Variants in INPP4B observed in about 807,000 individuals in gnomAD.
INPP4B encodes the protein inositol polyphosphate 4-phosphatase type II.
INPP4B carries 55 observed loss-of-function variants against 122.5 expected under a neutral mutation model. That is an observed-to-expected ratio of 0.45 (90% CI 0.36 to 0.56). INPP4B has a LOEUF of 0.56. Among genes scored for constraint, INPP4B ranks in the 20% least tolerant of loss-of-function variants. The probability of loss-of-function intolerance (pLI) is 0.00; values close to 1 mark genes in which losing one functional copy is unlikely to be tolerated. For synonymous variants in INPP4B, 403 were observed against 388.7 expected (o/e 1.04, Z -0.43); for missense variants, 1,000 against 1,097.7 (o/e 0.91, Z 1.26).
chr4:142,616,497 G>A (rs1281246329), intron 2 of INPP4B, among the ~76,000 whole-genome samples: 1 of 152,016 alleles, frequency 6.6e-6, no homozygotes, highest in Non-Finnish European at 1.5e-5. Flanking sequence ...AATTTTTAAG[G>A]TGCTTAGCAT....
intron 2 of INPP4B, among the ~76,000 whole-genome samples, chr4:142,562,153 T>A (rs958665264): frequency 2.0e-5 from 3 of 152,184 alleles, no homozygotes; most frequent in Non-Finnish European, 4.4e-5. Context: ...AGGTTCTCAC[T>A]ACATCATTTT....
chr4:142,766,567 C>T (rs1772176613), intron 1 of INPP4B, among the ~76,000 whole-genome samples: 1 of 152,010 alleles, frequency 6.6e-6, no homozygotes, highest in Admixed American at 6.6e-5. Flanking sequence ...GACAGGGTTT[C>T]ACCATGTTGG....
At chr4:142,519,845 A>G (rs1220306684) in intron 2 of INPP4B, among the ~76,000 whole-genome samples, 1 of 152,102 alleles carries the variant, frequency 6.6e-6, no homozygotes, top group Non-Finnish European at 1.5e-5. Context: ...CTATATTTCC[A>G]AGACTAAAAC....
chr4:142,773,314 T>C (rs1341391268), intron 1 of INPP4B, among the ~76,000 whole-genome samples: 1 of 152,174 alleles, frequency 6.6e-6, no homozygotes, highest in Non-Finnish European at 1.5e-5. Context: ...AATTACCTTA[T>C]TGACATTTAT....
intron 5 of INPP4B, among the ~76,000 whole-genome samples, chr4:142,413,087 G>A (rs752533884): frequency 3.9e-5 from 6 of 152,116 alleles, no homozygotes; most frequent in African/African-American, 7.2e-5. Context: ...ACCATGCATC[G>A]CTGCCAACAT....
chr4:142,630,893 G>A (rs1747792582), intron 2 of INPP4B, among the ~76,000 whole-genome samples: 1 of 151,958 alleles, frequency 6.6e-6, no homozygotes, highest in Non-Finnish European at 1.5e-5. Flanking sequence ...CTCTTTACTG[G>A]GACCGCAGCT....
intron 10 of INPP4B, among the ~76,000 whole-genome samples, chr4:142,260,956 T>C (rs1468814832): frequency 6.6e-6 from 1 of 152,190 alleles, no homozygotes; most frequent in Non-Finnish European, 1.5e-5. Flanking sequence ...GTTTAAGTAA[T>C]TGCAACTTTA....
chr4:142,149,106 A>G (rs1218344340), intron 17 of INPP4B, among the ~76,000 whole-genome samples: 1 of 152,170 alleles, frequency 6.6e-6, no homozygotes, highest in Non-Finnish European at 1.5e-5. Flanking sequence ...AGAAGTTATT[A>G]CTACTTAGTA....
chr4:142,601,578 T>A (rs1264376260), intron 2 of INPP4B, among the ~76,000 whole-genome samples: 1 of 143,262 alleles, frequency 7.0e-6, no homozygotes. Context: ...TAAACTCCTA[T>A]GTCAAAAAAA....
chr4:142,243,493 G>A (rs1860558330), intron 11 of INPP4B, among the ~76,000 whole-genome samples: 1 of 152,196 alleles, frequency 6.6e-6, no homozygotes, highest in Non-Finnish European at 1.5e-5. Context: ...ATCTAGGGAG[G>A]AAGTGAAAAG....
chr4:142,405,178 A>G, intron 6 of INPP4B, 28 bp downstream of exon 6: 1 of 1,207,046 alleles, frequency 8.3e-7, no homozygotes, highest in Non-Finnish European at 1.2e-6. Context: ...AGAGAGAGAG[A>G]GATTAATGTA....
intron 11 of INPP4B, among the ~76,000 whole-genome samples, chr4:142,241,535 G>C (rs1324466411): frequency 2.0e-5 from 3 of 152,102 alleles, no homozygotes; most frequent in Non-Finnish European, 4.4e-5. Context: ...ATTTAACAAG[G>C]TAGCATGTCA....
chr4:142,230,093 T>C (rs1323088684), intron 12 of INPP4B, among the ~76,000 whole-genome samples: 1 of 152,250 alleles, frequency 6.6e-6, no homozygotes, highest in Non-Finnish European at 1.5e-5. Context: ...ATTACTACTC[T>C]AAATCCATCA....
chr4:142,675,364 A>G (rs1056907433), intron 2 of INPP4B, among the ~76,000 whole-genome samples: 4 of 152,140 alleles, frequency 2.6e-5, no homozygotes, highest in Non-Finnish European at 5.9e-5. Flanking sequence ...TTAATATCCT[A>G]CCAATCAAAA....
chr4:142,202,806 C>T lies in INPP4B; in HGVS notation c.1072+5619G>A, dbSNP rs1158665144. 3 of 984,308 alleles carry T rather than the reference C, an allele frequency of 3.0e-6. No individual in the cohort carries two copies. In the African/African-American group the frequency reaches 5.2e-5, roughly 17 times the overall value. The allele number at this position is 984,308 out of a possible 1,614,324, so 61.0% of individuals were successfully genotyped here. ...ACAAAAACAATGAGAGTGGGCGGGGCCGTGCTTGACAGGTGTGTTTCACTC... is the reference window on the plus strand; with the variant it reads ...ACAAAAACAATGAGAGTGGGCGGGGTCGTGCTTGACAGGTGTGTTTCACTC... On this transcript the variant is annotated intron_variant, in intron 14 of 25. Transcript: ENST00000262992.
chr4:142,305,605 C>T, intron 8 of INPP4B, 68 bp from the exon 9 acceptor site: 1 of 1,535,846 alleles, frequency 6.5e-7, no homozygotes, highest in African/African-American at 1.4e-5. Flanking sequence ...TCACATCAAT[C>T]AAACAAAATG....
At chr4:142,436,084 G>A (rs908111132) in intron 3 of INPP4B, among the ~76,000 whole-genome samples, 2 of 152,196 alleles carry the variant, frequency 1.3e-5, no homozygotes, top group Non-Finnish European at 2.9e-5. Context: ...AGGGAGGCTG[G>A]ACGACTGGGT....
At chr4:142,400,518 G>A (rs1019196530) in intron 7 of INPP4B, among the ~76,000 whole-genome samples, 10 of 152,138 alleles carry the variant, frequency 6.6e-5, no homozygotes, top group African/African-American at 2.4e-4. Flanking sequence ...AAAAACTTAA[G>A]AAATGAAAGA....
Position 142,469,255 on chromosome 4 carries a change from G to C in INPP4B, c.-190-6529C>G, listed in dbSNP as rs1346268513. On this transcript the variant is annotated intron_variant, in intron 2 of 25. Transcript: ENST00000262992. ...AAAATAGAAAACAAAATTTCCAAAA[G>C]AATGCAGCTCCCAATAGCAGCTATA... is the stretch of plus-strand genomic sequence containing the variant. Among the ~76,000 whole-genome samples, 34 of 151,790 alleles carry C rather than the reference G, an allele frequency of 2.2e-4. 1 individual carries two copies. The highest frequency in any genetic ancestry group is 1.2e-4 in the Non-Finnish European group (8 of 67,936).
Sources: allele counts gnomAD v4.1 joint callset (sites outside exome capture counted in the v4.1 genomes callset), GRCh38; gene constraint gnomAD v4.1.1; transcripts MANE v1.5; gene names NCBI Gene and HGNC (gene_info 2026-07-23, HGNC 2026-07-21).